MARCHF7: variants seen among roughly 807,000 people sequenced by gnomAD.
The protein encoded by MARCHF7 is E3 ubiquitin-protein ligase MARCHF7.
In MARCHF7, 20 loss-of-function variants were observed where a neutral mutation model predicts 76.5. The ratio of observed to expected loss-of-function variants is 0.26; its 90% CI spans 0.18 to 0.38. The LOEUF is 0.38. MARCHF7 is among the 10% of genes least tolerant of loss of function. The pLI is 1.00. For missense variants in MARCHF7, 797 were observed against 812.9 expected (o/e 0.98, Z 0.24); for synonymous variants, 295 against 293.0 (o/e 1.01, Z -0.07).
chr2:159,717,769 T>G (rs1463159668), intron 3 of MARCHF7, among the ~76,000 whole-genome samples: 1 of 152,116 alleles, frequency 6.6e-6, no homozygotes, highest in Non-Finnish European at 1.5e-5. Context: ...GAAAACTAAG[T>G]ATAAAGAAGA....
chr2:159,737,986 C>T (rs1003393442), intron 4 of MARCHF7, among the ~76,000 whole-genome samples: 1 of 152,200 alleles, frequency 6.6e-6, no homozygotes. Flanking sequence ...TCTGCCTACT[C>T]GGACTGGCAG....
chr2:159,723,891 C>G (rs968777440), intron 3 of MARCHF7, among the ~76,000 whole-genome samples: 4 of 152,100 alleles, frequency 2.6e-5, no homozygotes, highest in Non-Finnish European at 4.4e-5. Flanking sequence ...GATGCTTTTT[C>G]TTTTCTTACA....
At chr2:159,734,705 C>T (rs529753729) in intron 4 of MARCHF7, among the ~76,000 whole-genome samples, 80 of 151,676 alleles carry the variant, frequency 5.3e-4, no homozygotes, top group Non-Finnish European at 8.7e-4. Flanking sequence ...GACATGGTGG[C>T]TCACTCCTTT....
Position 159,767,840 on chromosome 2 carries a change from T to TA in MARCHF7, c.*505dup, listed in dbSNP as rs1287084964. On this transcript the variant is annotated 3_prime_UTR_variant, in exon 12 of 12. Coordinates refer to ENST00000409175, the MANE Select transcript of MARCHF7 (RefSeq NM_001282805.2). Reference sequence around the variant, plus strand: ...TCATTTGCTTCCAGTGTTTAAAAATTAAAAAAAGAATGGGGAGAAGGTTAT... The same window carrying TA: ...TCATTTGCTTCCAGTGTTTAAAAATTAAAAAAAAGAATGGGGAGAAGGTTAT... 2 of 152,396 alleles carry TA rather than the reference T, an allele frequency of 1.3e-5. No individual in the cohort carries two copies. Among genetic ancestry groups the TA allele is most frequent in the East Asian group, 1.9e-4 (1 of 5,198 alleles). The allele number at this position is 152,396 out of a possible 1,614,324, so 9.4% of individuals were successfully genotyped here.
At chr2:159,729,223 C>T in intron 4 of MARCHF7, 48 bp downstream of exon 4, 2 of 1,389,518 alleles carry the variant, frequency 1.4e-6, no homozygotes, top group Non-Finnish European at 1.9e-6. Flanking sequence ...TTCAAAATCC[C>T]TAGGGCCACT....
Position 159,752,578 on chromosome 2 carries a change from T to C in MARCHF7, c.1783+7T>C, listed in dbSNP as rs766171348. Reference sequence around the variant, plus strand: ...CAGGCCAAAATTAACTCTGGTAAGATTTACCCTTTTGTGTTTTCACAATTT... The same window carrying C: ...CAGGCCAAAATTAACTCTGGTAAGACTTACCCTTTTGTGTTTTCACAATTT... On this transcript the variant is annotated splice_region_variant and intron_variant, in intron 8 of 11. Coordinates refer to ENST00000409175, the MANE Select transcript of MARCHF7 (RefSeq NM_001282805.2). 3 of 1,484,068 alleles carry C rather than the reference T, an allele frequency of 2.0e-6. No homozygotes were observed. Among genetic ancestry groups the C allele is most frequent in the East Asian group, 5.1e-5 (2 of 39,352 alleles). The allele number at this position is 1,484,068 out of a possible 1,614,324, so 91.9% of individuals were successfully genotyped here.
rs1170864400 is a variant in MARCHF7 at position 159,743,974 on chromosome 2, CTTT to C, written c.346+749_346+751del. Among the ~76,000 whole-genome samples, 296 of 60,526 alleles carry C rather than the reference CTTT, an allele frequency of 4.9e-3. 1 individual carries two copies. The highest frequency in any genetic ancestry group is 5.8e-3 in the Non-Finnish European group (173 of 29,746). 39.7% of individuals were successfully genotyped at this position (60,526 alleles called of 152,430 possible). On this transcript the variant is annotated intron_variant, in intron 5 of 11. Transcript: ENST00000409175. ...AATGGTGGTTATTTTAGTAGGAGTT[CTTT>C]TTTTTTTTTTTTTTTTTTTTTTTTT...
intron 8 of MARCHF7, among the ~76,000 whole-genome samples, chr2:159,754,845 G>A (rs1033540665): frequency 5.9e-5 from 9 of 152,168 alleles, no homozygotes; most frequent in Non-Finnish European, 1.3e-4. Flanking sequence ...GTCTTTAGCT[G>A]ATAAGGAGAC....
At chr2:159,762,723 T>G (rs1378560967) in intron 9 of MARCHF7, among the ~76,000 whole-genome samples, 157 bp from the exon 10 acceptor site, 1 of 152,170 alleles carries the variant, frequency 6.6e-6, no homozygotes, top group Non-Finnish European at 1.5e-5. Context: ...ATAAAGATAT[T>G]CTTTTTTTCT....
intron 6 of MARCHF7, 125 bp from the exon 7 acceptor site, chr2:159,747,680 C>T (rs1393993704): frequency 1.9e-5 from 16 of 854,704 alleles, no homozygotes; most frequent in Non-Finnish European, 2.8e-5. Context: ...ATAGTAAACT[C>T]TGTAGTTACA....
intron 8 of MARCHF7, among the ~76,000 whole-genome samples, chr2:159,753,204 G>A (rs908213759): frequency 6.6e-6 from 1 of 152,148 alleles, no homozygotes; most frequent in East Asian, 1.9e-4. Flanking sequence ...AATCAACTTA[G>A]GTCTATTTGA....
chr2:159,726,218 GGTTTTGTTTT>G (rs71969424), intron 3 of MARCHF7, among the ~76,000 whole-genome samples: 10,003 of 127,708 alleles, frequency 0.078, 580 homozygotes, highest in African/African-American at 0.16. Flanking sequence ...TCCAGATACA[GGTTTTGTTTT>G]GTTTTGTTTT....
rs771198306 is a variant in MARCHF7 at position 159,747,936 on chromosome 2, A to G, written c.646A>G (p.Arg216Gly). ...PSEHQTILSS[R>G]DSRNSLRSNF... ...TGAACATCAGACCATACTAAGTTCTAGGGACTCCAGAAATTCTTTAAGATC... is the reference window on the plus strand; with the variant it reads ...TGAACATCAGACCATACTAAGTTCTGGGGACTCCAGAAATTCTTTAAGATC... The change falls in exon 7 of 12, where the codon AGG becomes GGG. Residue 216 changes from arginine (R) to glycine (G), a missense_variant. This residue lies in a region of MARCHF7 where 643 missense variants were observed against 631.5 expected (regional missense o/e 1.02). Coordinates refer to ENST00000409175, the MANE Select transcript of MARCHF7 (RefSeq NM_001282805.2). 1.8e-5 allele frequency: 29 copies of G among 1,614,026 alleles called. No individual in the cohort carries two copies. The East Asian group carries it at 3.3e-4, about 19-fold the overall frequency.
intron 11 of MARCHF7, 40 bp from the exon 12 acceptor site, chr2:159,767,244 C>G (rs754894904): frequency 6.8e-7 from 1 of 1,464,144 alleles, no homozygotes; most frequent in South Asian, 1.2e-5. Flanking sequence ...TTCTTATCCC[C>G]CTTAAAATCA....
rs1372503069 is a variant in MARCHF7 at position 159,769,888 on chromosome 2, A to G, written c.*2546A>G. The stretch of plus-strand genomic sequence containing the variant: ...TTCTATAATGTATGTTGCCCAGTAC[A>G]GTAGCCACTAACCACCTGTGATTTG... On this transcript the variant is annotated 3_prime_UTR_variant, in exon 12 of 12. Transcript: ENST00000409175. 1 of 152,250 alleles carries G rather than the reference A, an allele frequency of 6.6e-6. No homozygotes were observed. Among genetic ancestry groups the G allele is most frequent in the Non-Finnish European group, 1.5e-5 (1 of 68,038 alleles). 9.4% of individuals were successfully genotyped at this position (152,250 alleles called of 1,614,324 possible). A position where few individuals can be genotyped will look rare whatever the true frequency, so the allele number is the denominator to read the frequency against.
At chr2:159,740,875 T>A (rs185182379) in intron 4 of MARCHF7, among the ~76,000 whole-genome samples, 39 of 152,270 alleles carry the variant, frequency 2.6e-4, no homozygotes, top group Admixed American at 2.4e-3. Context: ...GGCAATATGT[T>A]TCTCATAATT....
intron 4 of MARCHF7, among the ~76,000 whole-genome samples, chr2:159,741,114 C>T (rs191123702): frequency 3.3e-5 from 5 of 152,312 alleles, no homozygotes; most frequent in African/African-American, 1.2e-4. Flanking sequence ...GTGGCTCACA[C>T]CTGTAATCCT....
At chr2:159,734,322 CCT>C (rs1703191064) in intron 4 of MARCHF7, among the ~76,000 whole-genome samples, 1 of 130,162 alleles carries the variant, frequency 7.7e-6, no homozygotes, top group African/African-American at 2.9e-5. Flanking sequence ...GTTATTGATA[CCT>C]TTTTTTTTTT....
At position 159,748,580 on chromosome 2, in the gene MARCHF7, A is replaced by G. The variant is rs1217994372; in HGVS notation, c.1290A>G (p.Glu430=). The change falls in exon 7 of 12, where the codon GAA becomes GAG. Residue 430 remains glutamate, a synonymous_variant. Coordinates refer to ENST00000409175, the MANE Select transcript of MARCHF7 (RefSeq NM_001282805.2). The part of the protein sequence containing the change: ...RSHIFRRESN[E]VVHLEAQNDP... ...ATATTTTTAGAAGAGAATCAAATGA[A>G]GTGGTTCACCTTGAAGCACAGAATG... 6.2e-7 allele frequency: 1 copy of G among 1,614,238 alleles called. No homozygotes were observed. The highest frequency in any genetic ancestry group is 1.1e-5 in the South Asian group (1 of 91,084).
Sources: gnomAD v4.1 joint callset for allele counts (sites outside exome capture counted in the v4.1 genomes callset) on GRCh38, gnomAD v4.1.1 for gene constraint, gnomAD v4.1.1 regional missense constraint, MANE v1.5 for transcripts, NCBI Gene and HGNC (gene_info 2026-07-23, HGNC 2026-07-21) for gene names.